The following SND1 variants were observed in gnomAD, a reference collection of about 807,000 sequenced individuals.
SND1 encodes staphylococcal nuclease and tudor domain containing 1, also known as staphylococcal nuclease domain-containing protein 1.
SND1 carries 38 observed loss-of-function variants against 121.7 expected under a neutral mutation model. The observed-to-expected ratio is 0.31, with a 90% CI of 0.24 to 0.41. SND1 has a LOEUF of 0.41. Ranked by LOEUF, SND1 falls within the 10% of genes least tolerant of loss-of-function variation. The probability of loss-of-function intolerance (pLI) is 1.00; values close to 1 mark genes in which losing one functional copy is unlikely to be tolerated. For missense variants in SND1, 868 were observed against 1,184.6 expected (o/e 0.73, Z 3.92); for synonymous variants, 401 against 447.4 (o/e 0.90, Z 1.31).
At chr7:127,853,003 G>A (rs1053941923) in intron 12 of SND1, among the ~76,000 whole-genome samples, 5 of 147,834 alleles carry the variant, frequency 3.4e-5, no homozygotes, top group Admixed American at 2.0e-4. Context: ...CTGCAGTTAC[G>A]TAGGTCTACT....
intron 16 of SND1, among the ~76,000 whole-genome samples, chr7:128,068,689 G>C (rs1793358347): frequency 6.6e-6 from 1 of 152,192 alleles, no homozygotes; most frequent in South Asian, 2.1e-4. Flanking sequence ...GCTGGGGGCT[G>C]CTCCATGCTC....
chr7:127,799,802 T>C (rs1298673175), intron 10 of SND1, among the ~76,000 whole-genome samples: 1 of 152,218 alleles, frequency 6.6e-6, no homozygotes, highest in Non-Finnish European at 1.5e-5. Flanking sequence ...GAAATAGAGC[T>C]GGTTGGAAAT....
chr7:127,652,518 C>T lies in SND1; in HGVS notation c.78+67C>T, dbSNP rs150029322. The T allele has an allele frequency of 1.1e-3, 1,434 of 1,308,608 alleles. 12 individuals carry two copies. The African/African-American group carries it at 0.019, about 17-fold the overall frequency. The allele number at this position is 1,308,608 out of a possible 1,614,324, so 81.1% of individuals were successfully genotyped here. On this transcript the variant is annotated intron_variant, in intron 1 of 23. Coordinates refer to ENST00000354725, the MANE Select transcript of SND1 (RefSeq NM_014390.4). Reference sequence around the variant, plus strand: ...GGGCGGGAGTCAGGCATTGACTCCACCTTCCGCCAGCCTGCTCCATGTCCC... The same window carrying T: ...GGGCGGGAGTCAGGCATTGACTCCATCTTCCGCCAGCCTGCTCCATGTCCC...
intron 10 of SND1, among the ~76,000 whole-genome samples, chr7:127,805,021 C>G (rs569706940): frequency 1.3e-5 from 2 of 152,272 alleles, no homozygotes; most frequent in Admixed American, 1.3e-4. Context: ...TATCTTCTGT[C>G]TGGCAAGCAT....
intron 13 of SND1, among the ~76,000 whole-genome samples, chr7:127,900,965 A>G (rs1403029726): frequency 6.6e-6 from 1 of 152,184 alleles, no homozygotes; most frequent in African/African-American, 2.4e-5. Context: ...CAGACACAGC[A>G]GGAGAAGTTT....
chr7:127,688,347 T>C (rs1795853254), intron 2 of SND1, among the ~76,000 whole-genome samples: 1 of 152,072 alleles, frequency 6.6e-6, no homozygotes, highest in African/African-American at 2.4e-5. Context: ...TTGTTTAGTC[T>C]TTTTGGCTTC....
chr7:127,878,769 A>G (rs1196519727), intron 12 of SND1, among the ~76,000 whole-genome samples: 2 of 152,238 alleles, frequency 1.3e-5, no homozygotes, highest in Admixed American at 6.5e-5. Context: ...TTAGAACTAC[A>G]TAAGTTTAAG....
rs139523422 is a variant in SND1, at chr7:127,888,356, A to G, written c.1454+344A>G. Among the ~76,000 whole-genome samples the G allele has an allele frequency of 1.2e-4, 19 of 152,220 alleles. No individual in the cohort carries two copies. In the East Asian group the frequency reaches 3.7e-3, roughly 29 times the overall value. On this transcript the variant is annotated intron_variant, in intron 13 of 23. Transcript: ENST00000354725. ...ACTGTGAAGCCGTGCTTATGTCTGT[A>G]GTACATTTGCCTCTGTTTCTTACCT...
At chr7:127,773,391 G>C (rs1360266525) in intron 10 of SND1, among the ~76,000 whole-genome samples, 1 of 151,920 alleles carries the variant, frequency 6.6e-6, no homozygotes, top group Non-Finnish European at 1.5e-5. Flanking sequence ...GGCAGAGGTT[G>C]CAGTGAGCTG....
intron 10 of SND1, among the ~76,000 whole-genome samples, chr7:127,725,062 C>T (rs1468605250): frequency 6.6e-6 from 1 of 152,146 alleles, no homozygotes; most frequent in Non-Finnish European, 1.5e-5. Context: ...ATAAAGAATA[C>T]AAGATCCTGC....
At chr7:127,735,673 C>T (rs1348740072) in intron 10 of SND1, among the ~76,000 whole-genome samples, 1 of 152,182 alleles carries the variant, frequency 6.6e-6, no homozygotes, top group African/African-American at 2.4e-5. Context: ...GTTGCCCAGG[C>T]TGGAGTGCAG....
chr7:127,806,361 C>T (rs1349395662), intron 10 of SND1, among the ~76,000 whole-genome samples: 2 of 152,126 alleles, frequency 1.3e-5, no homozygotes, highest in Admixed American at 6.6e-5. Flanking sequence ...TAGATAGACC[C>T]TCTTATATCA....
chr7:127,981,323 C>T (rs759723927), intron 15 of SND1, among the ~76,000 whole-genome samples: 7 of 152,148 alleles, frequency 4.6e-5, no homozygotes, highest in African/African-American at 1.7e-4. Flanking sequence ...CCCAGTTGTT[C>T]TTTCTGCTAG....
In SND1 at chr7:127,706,483, C is replaced by T. The variant is rs182269994; in HGVS notation, c.948-1074C>T. ...CCACGTTGGCCAGGATGGTCTCGAT[C>T]TCCTGACCTCGTGATCCGCCCGCCT... On this transcript the variant is annotated intron_variant, in intron 8 of 23. Transcript: ENST00000354725. Among the ~76,000 whole-genome samples, 1,186 of 152,192 alleles carry T rather than the reference C, an allele frequency of 7.8e-3. 16 individuals are homozygous for T. Among genetic ancestry groups the T allele is most frequent in the African/African-American group, 0.027 (1,108 of 41,508 alleles).
chr7:127,750,574 T>C (rs1183486503), intron 10 of SND1, among the ~76,000 whole-genome samples: 1 of 152,228 alleles, frequency 6.6e-6, no homozygotes, highest in Non-Finnish European at 1.5e-5. Flanking sequence ...TTATCTGAAA[T>C]GCTTGGGACC....
intron 10 of SND1, among the ~76,000 whole-genome samples, chr7:127,783,340 A>T: frequency 6.6e-6 from 1 of 152,148 alleles, no homozygotes; most frequent in East Asian, 1.9e-4. Context: ...GCCCATGGGG[A>T]ACAGGCTTTC....
At chr7:127,787,735 G>A (rs1258612694) in intron 10 of SND1, among the ~76,000 whole-genome samples, 2 of 152,114 alleles carry the variant, frequency 1.3e-5, no homozygotes, top group East Asian at 3.8e-4. Flanking sequence ...CCTAAAAGAC[G>A]TAAGACATTT....
intron 10 of SND1, among the ~76,000 whole-genome samples, chr7:127,749,758 G>T (rs1463258716): frequency 1.3e-5 from 2 of 152,204 alleles, no homozygotes; most frequent in Non-Finnish European, 2.9e-5. Context: ...ACCACAAGAA[G>T]TTCAGCTTCA....
chr7:127,937,328 G>A (rs1422405788), intron 15 of SND1, among the ~76,000 whole-genome samples: 3 of 152,144 alleles, frequency 2.0e-5, no homozygotes, highest in African/African-American at 7.2e-5. Flanking sequence ...CACAGCAGGT[G>A]ACTTATAATT....
Sources: allele counts gnomAD v4.1 joint callset (sites outside exome capture counted in the v4.1 genomes callset), GRCh38; gene constraint gnomAD v4.1.1; transcripts MANE v1.5; gene names NCBI Gene and HGNC (gene_info 2026-07-23, HGNC 2026-07-21).